Variants in CDH2 observed in about 807,000 individuals in gnomAD.
CDH2 encodes cadherin 2.
In CDH2, 17 loss-of-function variants were observed where a neutral mutation model predicts 92.0. That is an observed-to-expected ratio of 0.18 (90% CI 0.13 to 0.28). The LOEUF is 0.28. CDH2 is among the 10% of genes least tolerant of loss of function. The probability of loss-of-function intolerance (pLI) is 1.00; values close to 1 mark genes in which losing one functional copy is unlikely to be tolerated. For missense variants in CDH2, 862 were observed against 1,133.1 expected, an observed-to-expected ratio of 0.76 and a Z score of 3.44; for synonymous variants, 419 against 415.9, an observed-to-expected ratio of 1.01 and a Z score of -0.09.
rs12607386 is a variant in CDH2 at position 27,938,145 on chromosome 18, G to A, written c.1152-5021C>T. On this transcript the variant is annotated intron_variant, in intron 6 of 6. Coordinates refer to the CDH2 transcript ENST00000675173. ...TCTCTCTTCCTTGTGCTCCGGTCAT[G>A]TGAAGTGCTGGCTCCCCCTTCGCCT... is the stretch of plus-strand genomic sequence containing the variant. Among the ~76,000 whole-genome samples the A allele has an allele frequency of 7.0e-4, 107 of 152,178 alleles. 3 individuals are homozygous for A. In the East Asian group the frequency reaches 0.02, roughly 28 times the overall value.
intron 11 of CDH2, among the ~76,000 whole-genome samples, chr18:27,986,021 C>T (rs1287511544): frequency 2.0e-5 from 3 of 152,090 alleles, no homozygotes; most frequent in East Asian, 1.9e-4. Flanking sequence ...GATGGAATCC[C>T]GTACCCTCCC....
rs1172779200 is a variant in CDH2, at chr18:28,007,165, A to AAAAATATATATATATAT, written c.703-1173_703-1172insATATATATATATATTTT. Among the ~76,000 whole-genome samples the AAAAATATATATATATAT allele has an allele frequency of 1.2e-3, 130 of 110,426 alleles. No homozygotes were observed. In the Middle Eastern group the frequency reaches 0.014, roughly 12 times the overall value. The allele number at this position is 110,426 out of a possible 152,430, so 72.4% of individuals were successfully genotyped here. A position where few individuals can be genotyped will look rare whatever the true frequency, so the allele number is the denominator to read the frequency against. On this transcript the variant is annotated intron_variant, in intron 5 of 15. Coordinates refer to ENST00000269141, the MANE Select transcript of CDH2 (RefSeq NM_001792.5). Reference sequence around the variant, plus strand: ...ACAGAGTGAGACTCCATAAAAAAAAAATATATATATATATATATATATATA... The same window carrying AAAAATATATATATATAT: ...ACAGAGTGAGACTCCATAAAAAAAAAAAAATATATATATATATATATATATATATATATATATATATA...
In CDH2 at chr18:28,177,051, C is replaced by CGGA. The variant is rs771349247; in HGVS notation, c.-32_-30dup. 1.4e-4 allele frequency: 213 copies of CGGA among 1,471,512 alleles called. No individual in the cohort carries two copies. Among genetic ancestry groups the CGGA allele is most frequent in the Admixed American group, 3.9e-4 (18 of 46,724 alleles). 91.2% of individuals were successfully genotyped at this position (1,471,512 alleles called of 1,614,324 possible). Reference sequence around the variant, plus strand: ...GGCGGAGAGGGGCCGAGCGAAGAGCCGGAGGAGGCGGCGGCGGCGGCGGCG... The same window carrying CGGA: ...GGCGGAGAGGGGCCGAGCGAAGAGCCGGAGGAGGAGGCGGCGGCGGCGGCGGCG... On this transcript the variant is annotated 5_prime_UTR_variant, in exon 1 of 16. Coordinates refer to ENST00000269141, the MANE Select transcript of CDH2 (RefSeq NM_001792.5).
At chr18:27,950,256 G>C (rs1226846549), downstream of CDH2, among the ~76,000 whole-genome samples, 1 of 152,052 alleles carries the variant, frequency 6.6e-6, no homozygotes, top group East Asian at 1.9e-4. Flanking sequence ...TTATATAAGT[G>C]TTTTCAATGT....
At chr18:28,043,126 G>C (rs1230040695) in intron 2 of CDH2, among the ~76,000 whole-genome samples, 2 of 152,072 alleles carry the variant, frequency 1.3e-5, no homozygotes, top group African/African-American at 4.8e-5. Flanking sequence ...TCATAAAACG[G>C]AACAAAATAA....
At chr18:28,103,312 A>G (rs980457249) in intron 2 of CDH2, among the ~76,000 whole-genome samples, 4 of 143,454 alleles carry the variant, frequency 2.8e-5, no homozygotes, top group Non-Finnish European at 6.1e-5. Flanking sequence ...ATATATATAT[A>G]AAGTATATAT....
chr18:28,008,215 C>G (rs1382205340), intron 5 of CDH2, among the ~76,000 whole-genome samples: 2 of 152,106 alleles, frequency 1.3e-5, no homozygotes, highest in Non-Finnish European at 2.9e-5. Flanking sequence ...AGAAATTAGT[C>G]TAAGTAGAGG....
chr18:27,937,890 A>G (rs1909052968), intron 6 of CDH2, among the ~76,000 whole-genome samples: 1 of 152,182 alleles, frequency 6.6e-6, no homozygotes, highest in African/African-American at 2.4e-5. Context: ...ACACCAAAAT[A>G]TTTTTTTAAC....
At chr18:27,959,996 CAGAG>C (rs1176153430) in intron 15 of CDH2, among the ~76,000 whole-genome samples, 1 of 146,642 alleles carries the variant, frequency 6.8e-6, no homozygotes, top group South Asian at 2.2e-4. Context: ...GCCTGAGCAA[CAGAG>C]AGAGACCCTG....
chr18:28,002,694 C>T (rs1209282188), intron 7 of CDH2, among the ~76,000 whole-genome samples: 3 of 152,054 alleles, frequency 2.0e-5, no homozygotes, highest in Non-Finnish European at 1.5e-5. Flanking sequence ...TCACAAAAAC[C>T]TTTGACTATA....
chr18:27,998,390 C>G (rs1226381217), intron 7 of CDH2, among the ~76,000 whole-genome samples: 1 of 152,050 alleles, frequency 6.6e-6, no homozygotes, highest in East Asian at 1.9e-4. Flanking sequence ...AGGAAATGGG[C>G]TTAGGAAGGT....
intron 15 of CDH2, among the ~76,000 whole-genome samples, chr18:27,953,550 A>G (rs1392372048): frequency 1.3e-5 from 2 of 152,292 alleles, no homozygotes; most frequent in East Asian, 1.9e-4. Context: ...AAGCCTGCCA[A>G]TACACATGCA....
chr18:28,125,762 C>G (rs940565106), intron 2 of CDH2, among the ~76,000 whole-genome samples: 8 of 152,220 alleles, frequency 5.3e-5, no homozygotes, highest in Non-Finnish European at 1.2e-4. Context: ...CATTAGTACC[C>G]TCAGTTTTCA....
intron 14 of CDH2, among the ~76,000 whole-genome samples, chr18:27,967,283 G>A (rs538318833): frequency 6.6e-5 from 10 of 152,266 alleles, no homozygotes; most frequent in African/African-American, 1.7e-4. Context: ...TTCTGTTGAC[G>A]TCTATCTGTG....
chr18:27,976,731 T>G (rs1337588462), intron 14 of CDH2, among the ~76,000 whole-genome samples: 1 of 152,238 alleles, frequency 6.6e-6, no homozygotes, highest in Non-Finnish European at 1.5e-5. Context: ...CAGCTTTTGC[T>G]ATTAGTATAG....
chr18:27,936,842 C>G (rs529949546), intron 6 of CDH2, among the ~76,000 whole-genome samples: 1 of 152,204 alleles, frequency 6.6e-6, no homozygotes, highest in East Asian at 1.9e-4. Context: ...CCGCCCCTCT[C>G]CTCCCTTTTG....
At chr18:27,980,816 C>G (rs1259747398) in intron 14 of CDH2, among the ~76,000 whole-genome samples, 1 of 149,906 alleles carries the variant, frequency 6.7e-6, no homozygotes. Context: ...AAAAAAAACC[C>G]CAAAAGCCAA....
At chr18:28,096,240 A>C (rs866199210) in intron 2 of CDH2, among the ~76,000 whole-genome samples, 2 of 152,210 alleles carry the variant, frequency 1.3e-5, no homozygotes, top group African/African-American at 4.8e-5. Flanking sequence ...GACAAAGGAA[A>C]GGCTTTACCA....
At chr18:27,949,526 T>C (rs971722530), downstream of CDH2, among the ~76,000 whole-genome samples, 13 of 151,892 alleles carry the variant, frequency 8.6e-5, no homozygotes, top group Non-Finnish European at 1.8e-4. Flanking sequence ...TAAAAAGAGG[T>C]AGGTGTACAT....
Sources: allele counts gnomAD v4.1 joint callset (sites outside exome capture counted in the v4.1 genomes callset), GRCh38; gene constraint gnomAD v4.1.1; transcripts MANE v1.5; gene names NCBI Gene and HGNC (gene_info 2026-07-23, HGNC 2026-07-21).